Variants in CEMIP2 observed in about 807,000 individuals in gnomAD.
The protein encoded by CEMIP2 is cell surface hyaluronidase CEMIP2.
CEMIP2 carries 79 observed loss-of-function variants against 146.9 expected under a neutral mutation model. The observed-to-expected ratio is 0.54, with a 90% CI of 0.45 to 0.65. The LOEUF is 0.65. Among genes scored for constraint, CEMIP2 ranks in the 30% least tolerant of loss-of-function variants. The pLI, the probability that CEMIP2 is intolerant of heterozygous loss-of-function variation, is 0.00. For synonymous variants in CEMIP2, 601 were observed against 606.3 expected (o/e 0.99, Z 0.13); for missense variants, 1,596 against 1,696.2 (o/e 0.94, Z 1.04).
chr9:71,717,102 G>C (rs1438190471), intron 13 of CEMIP2, among the ~76,000 whole-genome samples: 1 of 152,182 alleles, frequency 6.6e-6, no homozygotes, highest in African/African-American at 2.4e-5. Flanking sequence ...AGCATAGAAA[G>C]TTGAGGCTGC....
intron 7 of CEMIP2, 135 bp from the exon 8 acceptor site, chr9:71,731,049 C>G: frequency 1.4e-6 from 1 of 718,396 alleles, no homozygotes. Context: ...CCTGTTTTCC[C>G]AGATTGCCAG....
chr9:71,699,294 A>T (rs4263836), intron 19 of CEMIP2: 258,447 of 313,342 alleles, frequency 0.82, 106,954 homozygotes, highest in East Asian at 0.94. Flanking sequence ...TTAAGTCTAA[A>T]CAAAAATTGA....
chr9:71,690,671 C>T (rs992051930), intron 21 of CEMIP2, among the ~76,000 whole-genome samples: 2 of 152,190 alleles, frequency 1.3e-5, no homozygotes, highest in African/African-American at 2.4e-5. Flanking sequence ...CACACACACA[C>T]ATATAAATAT....
chr9:71,740,454 A>G (rs1214929056), intron 4 of CEMIP2, among the ~76,000 whole-genome samples: 1 of 152,222 alleles, frequency 6.6e-6, no homozygotes, highest in Non-Finnish European at 1.5e-5. Flanking sequence ...CAGCTCTGTA[A>G]TAGGTGAAAG....
chr9:71,745,241 C>G lies in CEMIP2; in HGVS notation c.811G>C (p.Val271Leu). The G allele has an allele frequency of 6.2e-7, 1 of 1,614,074 alleles. No individual in the cohort carries two copies. Among genetic ancestry groups the G allele is most frequent in the East Asian group, 2.2e-5 (1 of 44,874 alleles). Residue 271 changes from valine (V) to leucine (L), a missense_variant, in exon 4 of 24, where the codon GTC (valine) becomes CTC (leucine). Val to Leu is a conservative substitution (Grantham distance 32). Transcript: ENST00000377044. ...KDFSRGLNVR[V>L]IDQDTAKILE... ...ATTTTGGCCGTGTCTTGGTCAATGA[C>G]CCTCACATTGAGGCCCCGGGAAAAG...
chr9:71,732,782 C>T (rs1823659211), intron 6 of CEMIP2, among the ~76,000 whole-genome samples: 1 of 138,124 alleles, frequency 7.2e-6, no homozygotes, highest in Admixed American at 8.0e-5. Flanking sequence ...TCTTGGCTTA[C>T]TGCAAGCTCC....
chr9:71,691,434 AT>A (rs1159399720), intron 21 of CEMIP2, among the ~76,000 whole-genome samples: 10 of 150,806 alleles, frequency 6.6e-5, no homozygotes, highest in African/African-American at 2.0e-4. Flanking sequence ...AAAAAAATAA[AT>A]AAATAAAAAA....
rs999462949 is a variant in CEMIP2, at chr9:71,700,768, G to C, written c.3251C>G (p.Thr1084Ser). 4 of 1,614,016 alleles carry C rather than the reference G, an allele frequency of 2.5e-6. No homozygotes were observed. Among genetic ancestry groups the C allele is most frequent in the Non-Finnish European group, 3.4e-6 (4 of 1,179,998 alleles). Residue 1084 changes from threonine to serine, a missense_variant, in exon 19 of 24, where the codon ACC becomes AGC. Thr to Ser is a moderately conservative substitution (Grantham distance 58, BLOSUM62 1). Coordinates refer to ENST00000377044, the MANE Select transcript of CEMIP2 (RefSeq NM_013390.3). ...ATTCTGCCGCTGCAAATAGCCAAAG[G>C]TAACTTGAAAACTTGTGTTTGATGG... ...CYPSNTSFQV[T>S]FGYLQRQNGS...
At position 71,722,609 on chromosome 9, in the gene CEMIP2, T is replaced by C. The variant is rs550786023; in HGVS notation, c.2179-94A>G. ...ATGAAAATAGATTTTAGCTTATCAC[T>C]TCTACCAAAAAAAGTGGGGCAGGGA... On this transcript the variant is annotated intron_variant, in intron 11 of 23. Transcript: ENST00000377044. The C allele has an allele frequency of 1.1e-4, 110 of 984,272 alleles. No homozygotes were observed. In the African/African-American group the frequency reaches 1.7e-3, roughly 15 times the overall value. The allele number at this position is 984,272 out of a possible 1,614,324, so 61.0% of individuals were successfully genotyped here.
At chr9:71,722,319 A>G in intron 12 of CEMIP2, 108 bp downstream of exon 12, 1 of 857,774 alleles carries the variant, frequency 1.2e-6, no homozygotes, top group Non-Finnish European at 1.8e-6. Flanking sequence ...GAACTTCTAA[A>G]ACTTTATTTT....
intron 7 of CEMIP2, 40 bp downstream of exon 7, chr9:71,732,311 A>C: frequency 3.9e-6 from 6 of 1,529,108 alleles, no homozygotes; most frequent in Non-Finnish European, 5.3e-6. Context: ...TATATTTAGC[A>C]ACCAGGATTT....
At chr9:71,693,072 T>C (rs1325154452) in intron 21 of CEMIP2, among the ~76,000 whole-genome samples, 1 of 152,228 alleles carries the variant, frequency 6.6e-6, no homozygotes, top group African/African-American at 2.4e-5. Flanking sequence ...GCCACTGAAC[T>C]GCCCACTTGA....
rs776386046 is a variant in CEMIP2 at position 71,684,578 on chromosome 9, T to C, written c.*619A>G. 2.0e-5 allele frequency: 3 copies of C among 152,622 alleles called. No individual in the cohort carries two copies. The highest frequency in any genetic ancestry group is 2.4e-5 in the African/African-American group (1 of 41,446). The allele number at this position is 152,622 out of a possible 1,614,324, so 9.5% of individuals were successfully genotyped here. On this transcript the variant is annotated 3_prime_UTR_variant, in exon 24 of 24. Transcript: ENST00000377044. ...ATCCCCAAGAGCCCTTTTGTCCCAA[T>C]ATACTTCCTGTTTGAAAGTTTAACC...
At chr9:71,751,989 T>G (rs1009573092) in intron 1 of CEMIP2, among the ~76,000 whole-genome samples, 14 of 152,216 alleles carry the variant, frequency 9.2e-5, no homozygotes, top group African/African-American at 3.4e-4. Flanking sequence ...ATTATAAAAA[T>G]AGCTAACACA....
intron 19 of CEMIP2, among the ~76,000 whole-genome samples, chr9:71,698,841 C>A (rs1309244145): frequency 1.3e-5 from 2 of 152,092 alleles, no homozygotes; most frequent in African/African-American, 4.8e-5. Flanking sequence ...GGTAGCAGTT[C>A]AATCTCTATC....
At chr9:71,761,323 C>T (rs1016553700) in intron 1 of CEMIP2, among the ~76,000 whole-genome samples, 1 of 152,118 alleles carries the variant, frequency 6.6e-6, no homozygotes, top group African/African-American at 2.4e-5. Context: ...AATGAAAAGA[C>T]AACAGGGATG....
At chr9:71,765,494 A>C (rs1824763215) in intron 1 of CEMIP2, among the ~76,000 whole-genome samples, 1 of 152,206 alleles carries the variant, frequency 6.6e-6, no homozygotes, top group Admixed American at 6.5e-5. Context: ...AGCAAGTGCC[A>C]AGCCTTGTTT....
intron 14 of CEMIP2, among the ~76,000 whole-genome samples, chr9:71,716,089 G>A (rs1823048957): frequency 6.6e-6 from 1 of 152,050 alleles, no homozygotes; most frequent in Admixed American, 6.5e-5. Context: ...ATGACAACTA[G>A]AATGACTATT....
chr9:71,767,414 C>T (rs148963070), intron 1 of CEMIP2, among the ~76,000 whole-genome samples: 1 of 152,294 alleles, frequency 6.6e-6, no homozygotes, highest in African/African-American at 2.4e-5. Flanking sequence ...CAGTGAGTAG[C>T]TCATGTGCAC....
Sources: gnomAD v4.1 joint callset for allele counts (sites outside exome capture counted in the v4.1 genomes callset) on GRCh38, gnomAD v4.1.1 for gene constraint, MANE v1.5 for transcripts, NCBI Gene and HGNC (gene_info 2026-07-23, HGNC 2026-07-21) for gene names.